PLD3: variants seen among roughly 807,000 people sequenced by gnomAD.
PLD3 encodes 5'-3' exonuclease PLD3.
Under a neutral mutation model 58.4 loss-of-function variants are expected in PLD3, and 31 were observed. The ratio of observed to expected loss-of-function variants is 0.53; its 90% confidence interval spans 0.40 to 0.72. The LOEUF (loss-of-function observed/expected upper bound fraction) is 0.72, where lower values mean the gene tolerates loss of function less well. Ranked by LOEUF, PLD3 falls within the 30% of genes least tolerant of loss-of-function variation. PLD3 has a pLI of 0.00. For missense variants in PLD3, 595 were observed against 659.8 expected (o/e 0.90, Z 1.08); for synonymous variants, 264 against 273.4 (o/e 0.97, Z 0.34).
At chr19:40,371,286 G>A (rs1046337448) in intron 8 of PLD3, among the ~76,000 whole-genome samples, 12 of 152,152 alleles carry the variant, frequency 7.9e-5, no homozygotes, top group African/African-American at 2.7e-4. Flanking sequence ...CAGCCCAATG[G>A]GAAGACCAGT....
At position 40,374,845 on chromosome 19, in the gene PLD3, G is replaced by A. The variant is rs1599622897; in HGVS notation, c.1019+225G>A. ...GACAGGGATGAGGTTTCAGGACAAG[G>A]TTTGAGGGAACAGAGAAAAGGATGA... is the stretch of plus-strand genomic sequence containing the variant. On this transcript the variant is annotated intron_variant, in intron 10 of 12. Transcript: ENST00000409735. 3.6e-5 allele frequency: 20 copies of A among 559,494 alleles called. No homozygotes were observed. In the East Asian group the frequency reaches 6.1e-4, roughly 17 times the overall value. The allele number at this position is 559,494 out of a possible 1,614,324, so 34.7% of individuals were successfully genotyped here.
At chr19:40,376,443 G>A (rs887710076) in intron 10 of PLD3, 166 bp from the exon 11 acceptor site, 3 of 618,826 alleles carry the variant, frequency 4.8e-6, no homozygotes, top group Non-Finnish European at 5.7e-6. Context: ...AGGAAATAGG[G>A]ATGTGGGATT....
At chr19:40,373,107 G>A (rs536041313) in intron 9 of PLD3, among the ~76,000 whole-genome samples, 38 of 152,298 alleles carry the variant, frequency 2.5e-4, no homozygotes, top group African/African-American at 8.9e-4. Context: ...GTCCCCCTGA[G>A]CAAGTTACCT....
Position 40,367,844 on chromosome 19 carries a change from A to G in PLD3, c.394A>G (p.Asn132Asp), listed in dbSNP as rs756867186. The change falls in exon 6 of 13, where the codon AAT (asparagine) becomes GAT (aspartate). Residue 132 changes from asparagine to aspartate, a missense_variant. Transcript: ENST00000409735. ...CTCCTTCTACTGGACCCTCACCAAC[A>G]ATGACACCCACACGCAGGAGCCCTC... ...IASFYWTLTN[N>D]DTHTQEPSAQ... 7 of 1,575,932 alleles carry G rather than the reference A, an allele frequency of 4.4e-6. No individual in the cohort carries two copies. Among genetic ancestry groups the G allele is most frequent in the Non-Finnish European group, 6.0e-6 (7 of 1,162,786 alleles).
chr19:40,376,795 C>G, intron 11 of PLD3, 21 bp downstream of exon 11: 1 of 1,593,714 alleles, frequency 6.3e-7, no homozygotes, highest in Non-Finnish European at 8.5e-7. Context: ...CCCCAAGCCA[C>G]CCCTTGGCCC....
chr19:40,378,206 G>A lies in PLD3; in HGVS notation c.*33G>A, dbSNP rs2145711910. On this transcript the variant is annotated 3_prime_UTR_variant, in exon 13 of 13. Coordinates refer to ENST00000409735, the MANE Select transcript of PLD3 (RefSeq NM_012268.4). ...TCCAGTGGGCAGGCCAAGGCCTGCTGGGCCCCCGCGGACCCAGGTGCTCTG... is the reference window on the plus strand; with the variant it reads ...TCCAGTGGGCAGGCCAAGGCCTGCTAGGCCCCCGCGGACCCAGGTGCTCTG... The A allele has an allele frequency of 6.3e-7, 1 of 1,583,872 alleles. No individual in the cohort carries two copies. The highest frequency in any genetic ancestry group is 1.7e-4 in the Middle Eastern group (1 of 5,956).
chr19:40,362,412 AAT>A (rs1404966255), intron 1 of PLD3, among the ~76,000 whole-genome samples: 1 of 151,958 alleles, frequency 6.6e-6, no homozygotes, highest in African/African-American at 2.4e-5. Flanking sequence ...ATCCAATCGA[AAT>A]CACTTCTCCA....
chr19:40,374,335 A>G (rs1448166621), intron 9 of PLD3, 146 bp from the exon 10 acceptor site: 5 of 777,182 alleles, frequency 6.4e-6, no homozygotes, highest in Non-Finnish European at 1.1e-5. Flanking sequence ...TGTGAAATGG[A>G]TGTGGTGATT....
chr19:40,378,359 A>G lies in PLD3; in HGVS notation c.*186A>G, dbSNP rs2079298906. 10 of 709,260 alleles carry G rather than the reference A, an allele frequency of 1.4e-5. No homozygotes were observed. Among genetic ancestry groups the G allele is most frequent in the Non-Finnish European group, 2.5e-5 (10 of 395,094 alleles). The allele number at this position is 709,260 out of a possible 1,614,324, so 43.9% of individuals were successfully genotyped here. On this transcript the variant is annotated 3_prime_UTR_variant, in exon 13 of 13. Coordinates refer to ENST00000409735, the MANE Select transcript of PLD3 (RefSeq NM_012268.4). Reference sequence around the variant, plus strand: ...TGACGCTGTGGCCCCGGGACCCAGCAGAGCTGGGGGAGGGATCAGCCCCCA... The same window carrying G: ...TGACGCTGTGGCCCCGGGACCCAGCGGAGCTGGGGGAGGGATCAGCCCCCA...
At chr19:40,371,963 G>A in intron 9 of PLD3, 90 bp downstream of exon 9, 1 of 1,068,622 alleles carries the variant, frequency 9.4e-7, no homozygotes, top group South Asian at 1.3e-5. Flanking sequence ...ATGACAGGGA[G>A]GGCGTATCCT....
At chr19:40,370,293 C>T (rs1183750491) in intron 8 of PLD3, 56 bp downstream of exon 8, 3 of 1,557,168 alleles carry the variant, frequency 1.9e-6, no homozygotes, top group East Asian at 2.2e-5. Flanking sequence ...CCACAGGGCA[C>T]CCAGCCTCCG....
At chr19:40,371,112 T>C (rs2079056790) in intron 8 of PLD3, among the ~76,000 whole-genome samples, 1 of 152,118 alleles carries the variant, frequency 6.6e-6, no homozygotes, top group African/African-American at 2.4e-5. Flanking sequence ...TAGCGCAAGA[T>C]GGAACAGGAA....
At chr19:40,374,726 T>G in intron 10 of PLD3, 106 bp downstream of exon 10, 1 of 1,270,116 alleles carries the variant, frequency 7.9e-7, no homozygotes. Context: ...AGGGGACAGA[T>G]GGAAGAGAAG....
intron 10 of PLD3, 151 bp from the exon 11 acceptor site, chr19:40,376,458 G>C (rs1323955376): frequency 2.1e-5 from 14 of 679,916 alleles, no homozygotes; most frequent in Non-Finnish European, 3.5e-5. Context: ...GGGATTTATG[G>C]AGACAGGAAC....
At chr19:40,365,351 T>A (rs563201515) in intron 1 of PLD3, among the ~76,000 whole-genome samples, 8 of 152,304 alleles carry the variant, frequency 5.3e-5, no homozygotes, top group African/African-American at 9.6e-5. Flanking sequence ...TGGCTTTTTT[T>A]AAAAAATCAA....
At chr19:40,374,954 A>C (rs2079157670) in intron 10 of PLD3, 2 of 280,960 alleles carry the variant, frequency 7.1e-6, no homozygotes, top group Non-Finnish European at 1.4e-5. Context: ...TCAGGAGTTC[A>C]AGACCAGCCT....
At chr19:40,349,894 G>A (rs372643107) in intron 1 of PLD3, among the ~76,000 whole-genome samples, 34 of 151,434 alleles carry the variant, frequency 2.2e-4, no homozygotes, top group Non-Finnish European at 3.8e-4. Context: ...GGAGGTGGAG[G>A]TTGCAGTGAG....
chr19:40,366,420 T>C lies in PLD3; in HGVS notation c.-64T>C. The C allele has an allele frequency of 6.7e-7, 1 of 1,483,438 alleles. No homozygotes were observed. Among genetic ancestry groups the C allele is most frequent in the South Asian group, 1.1e-5 (1 of 88,420 alleles). 91.9% of individuals were successfully genotyped at this position (1,483,438 alleles called of 1,614,324 possible). ...CAGTGCCCACTTTTGTTCTGCCAGT[T>C]TGGAGACCCTGACACACCCACCTTC... On this transcript the variant is annotated splice_region_variant and 5_prime_UTR_variant, in exon 3 of 13. Coordinates refer to ENST00000409735, the MANE Select transcript of PLD3 (RefSeq NM_012268.4).
chr19:40,350,832 T>C (rs1226780733), intron 1 of PLD3, among the ~76,000 whole-genome samples: 1 of 151,820 alleles, frequency 6.6e-6, no homozygotes. Context: ...AGTAGATTAT[T>C]GGATGTATTA....
Sources: gnomAD v4.1 joint callset for allele counts (sites outside exome capture counted in the v4.1 genomes callset) on GRCh38, gnomAD v4.1.1 for gene constraint, MANE v1.5 for transcripts, NCBI Gene and HGNC (gene_info 2026-07-23, HGNC 2026-07-21) for gene names.